Variants in CBS observed in about 807,000 individuals in gnomAD.
The protein encoded by CBS is beta-thionase.
For missense variants in CBS, 27 were observed against 124.8 expected, an observed-to-expected ratio of 0.22 and a Z score of 3.73; for synonymous variants, 23 against 52.2, an observed-to-expected ratio of 0.44 and a Z score of 2.41.
At chr21:43,066,412 CT>C (rs1184978368) in intron 4 of CBS, 35 bp from the exon 5 acceptor site, 1 of 572,594 alleles carries the variant, frequency 1.7e-6, no homozygotes, top group Admixed American at 2.6e-5. Flanking sequence ...AGGGGACCCC[CT>C]GACCACCCCC....
At chr21:43,061,799 C>CTGCTG (rs1982043679) in intron 11 of CBS, 1 of 162,564 alleles carries the variant, frequency 6.2e-6, no homozygotes, top group South Asian at 1.7e-4. Context: ...TACAGGGCCT[C>CTGCTG]TGCTGCCTGT....
intron 4 of CBS, among the ~76,000 whole-genome samples, chr21:43,066,808 G>C (rs1221136309): frequency 1.9e-5 from 2 of 102,776 alleles, no homozygotes; most frequent in African/African-American, 1.4e-4. Context: ...CTTCCCCATC[G>C]GATGGGGACT....
In CBS at chr21:43,066,411, CCT is replaced by C. The variant is rs762388607; in HGVS notation, c.317-36_317-35del. 5.6e-4 allele frequency: 317 copies of C among 570,892 alleles called. 54 individuals are homozygous for C. Among genetic ancestry groups the C allele is most frequent in the Non-Finnish European group, 4.0e-4 (138 of 342,906 alleles). The allele number at this position is 570,892 out of a possible 1,614,324, so 35.4% of individuals were successfully genotyped here. A position where few individuals can be genotyped will look rare whatever the true frequency, so the allele number is the denominator to read the frequency against. On this transcript the variant is annotated intron_variant, in intron 4 of 16. Coordinates refer to ENST00000398165, the MANE Select transcript of CBS (RefSeq NM_000071.3). ...CAGAGATGAATCACAGAGGGGACCC[CCT>C]GACCACCCCCCCATTGATTCCTGCT...
chr21:43,067,197 CAGTT>C (rs1982905348), intron 4 of CBS, among the ~76,000 whole-genome samples: 2 of 74,232 alleles, frequency 2.7e-5, no homozygotes, highest in East Asian at 5.3e-4. Flanking sequence ...GTGAAACCCT[CAGTT>C]AGATCATTCT....
At chr21:43,066,114 C>T (rs1982691744) in intron 5 of CBS, 129 bp downstream of exon 5, 3 of 645,954 alleles carry the variant, frequency 4.6e-6, no homozygotes, top group South Asian at 1.6e-5. Flanking sequence ...GTGCAAGATG[C>T]CAGGGAGCAG....
In CBS at chr21:43,066,994, C is replaced by T. The variant is rs190113692; in HGVS notation, c.317-617G>A. ...CTTAAAAATATTTAGTTTTTAAGAG[C>T]GAGAGACTGGGCTGCATGAAATGTG... On this transcript the variant is annotated intron_variant, in intron 4 of 16. Coordinates refer to ENST00000398165, the MANE Select transcript of CBS (RefSeq NM_000071.3). Among the ~76,000 whole-genome samples the T allele has an allele frequency of 8.6e-5, 12 of 140,094 alleles. 2 individuals are homozygous for T. Among genetic ancestry groups the T allele is most frequent in the Admixed American group, 7.6e-4 (11 of 14,404 alleles). 91.9% of individuals were successfully genotyped at this position (140,094 alleles called of 152,430 possible).
At position 43,068,277 on chromosome 21, in the gene CBS, C is replaced by T. The variant is rs376506103; in HGVS notation, c.316+232G>A. On this transcript the variant is annotated intron_variant, in intron 4 of 16. Coordinates refer to ENST00000398165, the MANE Select transcript of CBS (RefSeq NM_000071.3). ...GGCCTCAGTTCAAAGGTCACCTGTTCGTTCCCTGGTCCATCTGCTGGGGAG... is the reference window on the plus strand; with the variant it reads ...GGCCTCAGTTCAAAGGTCACCTGTTTGTTCCCTGGTCCATCTGCTGGGGAG... 685 of 417,440 alleles carry T rather than the reference C, an allele frequency of 1.6e-3. 73 individuals are homozygous for T. The highest frequency in any genetic ancestry group is 0.016 in the South Asian group (649 of 40,002). 25.9% of individuals were successfully genotyped at this position (417,440 alleles called of 1,614,324 possible). A position where few individuals can be genotyped will look rare whatever the true frequency, so the allele number is the denominator to read the frequency against.
Position 43,068,600 on chromosome 21 carries a change from T to A in CBS, c.225A>T (p.Lys75Asn), listed in dbSNP as rs552179536. The change falls in exon 4 of 17, where the codon AAA becomes AAT. Residue 75 changes from lysine to asparagine, a missense_variant. Lys to Asn is a moderately conservative substitution (Grantham distance 94). Coordinates refer to ENST00000398165, the MANE Select transcript of CBS (RefSeq NM_000071.3). Reference protein sequence around the residue: ...HHHTAPAKSPKILPDILKKIG... With the variant: ...HHHTAPAKSPNILPDILKKIG... ...TTTTCTTCAGAATATCTGGCAAGAT[T>A]TTTGGAGATTTTGCCCTGAAACAGA... 10 of 416,992 alleles carry A rather than the reference T, an allele frequency of 2.4e-5. No homozygotes were observed. Among genetic ancestry groups the A allele is most frequent in the South Asian group, 2.1e-4 (10 of 47,670 alleles). The allele number at this position is 416,992 out of a possible 1,614,324, so 25.8% of individuals were successfully genotyped here.
At chr21:43,066,914 A>G (rs1982861429) in intron 4 of CBS, among the ~76,000 whole-genome samples, 1 of 134,070 alleles carries the variant, frequency 7.5e-6, no homozygotes. Context: ...GCACAAGGCC[A>G]AGGCCTTCAC....
At chr21:43,067,082 G>T (rs1601369659) in intron 4 of CBS, among the ~76,000 whole-genome samples, 1 of 119,772 alleles carries the variant, frequency 8.3e-6, no homozygotes, top group Non-Finnish European at 1.8e-5. Context: ...CACCAGACAG[G>T]TGTTGCCCCT....
rs372010465 is a variant in CBS at position 43,060,475 on chromosome 21, C to T, written c.1111G>A (p.Val371Met). 3 of 41,866 alleles carry T rather than the reference C, an allele frequency of 7.2e-5. No individual in the cohort carries two copies. The highest frequency in any genetic ancestry group is 4.3e-4 in the African/African-American group (1 of 2,336). 2.6% of individuals were successfully genotyped at this position (41,866 alleles called of 1,614,324 possible). ...CGCACTGAGTCGGGCAGAATGACCACGCAGCGCTGGCCCTCCTGCAGCTCC... is the reference window on the plus strand; with the variant it reads ...CGCACTGAGTCGGGCAGAATGACCATGCAGCGCTGGCCCTCCTGCAGCTCC... ...AQELQEGQRC[V>M]VILPDSVRNY... The change falls in exon 12 of 17, where the codon GTG becomes ATG. Residue 371 changes from valine (V) to methionine (M), a missense_variant. Coordinates refer to ENST00000398165, the MANE Select transcript of CBS (RefSeq NM_000071.3).
rs940694632 is a variant in CBS at position 43,066,162 on chromosome 21, C to A, written c.451+81G>T. The A allele has an allele frequency of 8.2e-6, 10 of 1,222,654 alleles. 1 individual carries two copies. The Admixed American group carries it at 1.8e-4, about 21-fold the overall frequency. 75.7% of individuals were successfully genotyped at this position (1,222,654 alleles called of 1,614,324 possible). ...GCCAGCACATGCGGCTGCAGCTCAGCCATCCCCCCCGGGTCCCGGCAGGCT... is the reference window on the plus strand; with the variant it reads ...GCCAGCACATGCGGCTGCAGCTCAGACATCCCCCCCGGGTCCCGGCAGGCT... On this transcript the variant is annotated intron_variant, in intron 5 of 16. Transcript: ENST00000398165.
chr21:43,063,960 GC>G lies in CBS; in HGVS notation c.767del (p.Gly256AlafsTer13). 4.9e-6 allele frequency: 1 copy of G among 205,740 alleles called. No homozygotes were observed. The highest frequency in any genetic ancestry group is 9.5e-6 in the Non-Finnish European group (1 of 105,526). 12.7% of individuals were successfully genotyped at this position (205,740 alleles called of 1,614,324 possible). A position where few individuals can be genotyped will look rare whatever the true frequency, so the allele number is the denominator to read the frequency against. ...GKLDMLVASV[G>X]TGGTITGIAR... Reference sequence around the variant, plus strand: ...CAATGCCCGTGATGGTGCCGCCCGTGCCCACTGAAGCCACCAGCATGTCCAG... The same window carrying G: ...CAATGCCCGTGATGGTGCCGCCCGTGCCACTGAAGCCACCAGCATGTCCAG... On this transcript the variant is annotated frameshift_variant, in exon 9 of 17. Transcript: ENST00000398165. LOFTEE classifies it high-confidence loss of function.
intron 4 of CBS, 41 bp from the exon 5 acceptor site, chr21:43,066,418 AC>A (rs551120751): frequency 3.0e-5 from 16 of 535,850 alleles, no homozygotes; most frequent in African/African-American, 6.6e-5. Context: ...CCCCCTGACC[AC>A]CCCCCCATTG....
chr21:43,066,676 C>T (rs1212768667), intron 4 of CBS, among the ~76,000 whole-genome samples: 1 of 75,360 alleles, frequency 1.3e-5, no homozygotes. Context: ...CCCCGTCCCC[C>T]CACCCACGAG....
At position 43,066,188 on chromosome 21, in the gene CBS, C is replaced by T. The variant is rs530863933; in HGVS notation, c.451+55G>A. The T allele has an allele frequency of 1.6e-5, 21 of 1,330,752 alleles. 3 individuals carry two copies. Among genetic ancestry groups the T allele is most frequent in the East Asian group, 6.8e-5 (3 of 43,862 alleles). 82.4% of individuals were successfully genotyped at this position (1,330,752 alleles called of 1,614,324 possible). A position where few individuals can be genotyped will look rare whatever the true frequency, so the allele number is the denominator to read the frequency against. On this transcript the variant is annotated intron_variant, in intron 5 of 16. Coordinates refer to ENST00000398165, the MANE Select transcript of CBS (RefSeq NM_000071.3). Reference sequence around the variant, plus strand: ...CATCCCCCCCGGGTCCCGGCAGGCTCGGCATGGGTAGGGGACAGCCAGCCC... The same window carrying T: ...CATCCCCCCCGGGTCCCGGCAGGCTTGGCATGGGTAGGGGACAGCCAGCCC...
Position 43,068,332 on chromosome 21 carries a change from C to T in CBS, c.316+177G>A, listed in dbSNP as rs187430972. 50 of 356,806 alleles carry T rather than the reference C, an allele frequency of 1.4e-4. No homozygotes were observed. The East Asian group carries it at 1.9e-3, about 14-fold the overall frequency. 22.1% of individuals were successfully genotyped at this position (356,806 alleles called of 1,614,324 possible). A position where few individuals can be genotyped will look rare whatever the true frequency, so the allele number is the denominator to read the frequency against. On this transcript the variant is annotated intron_variant, in intron 4 of 16. Transcript: ENST00000398165. ...TTTGGTCACCCTCTGACACAATGCCCTGTTGTGTGTTTTTCCCAAACTTAA... is the reference window on the plus strand; with the variant it reads ...TTTGGTCACCCTCTGACACAATGCCTTGTTGTGTGTTTTTCCCAAACTTAA...
chr21:43,067,713 C>A lies in CBS; in HGVS notation c.316+796G>T. 14 of 316,306 alleles carry A rather than the reference C, an allele frequency of 4.4e-5. 3 individuals are homozygous for A. Among genetic ancestry groups the A allele is most frequent in the South Asian group, 2.8e-4 (14 of 49,970 alleles). The allele number at this position is 316,306 out of a possible 1,614,324, so 19.6% of individuals were successfully genotyped here. A position where few individuals can be genotyped will look rare whatever the true frequency, so the allele number is the denominator to read the frequency against. ...CCCTCTCCTTCCCACTCGAACTCCA[C>A]CCCCTCCATCTGGCCCTGTCGCGGG... On this transcript the variant is annotated intron_variant, in intron 4 of 16. Coordinates refer to ENST00000398165, the MANE Select transcript of CBS (RefSeq NM_000071.3).
chr21:43,067,747 C>A lies in CBS; in HGVS notation c.316+762G>T. 5.3e-6 allele frequency: 2 copies of A among 380,398 alleles called. 1 individual carries two copies. Among genetic ancestry groups the A allele is most frequent in the Non-Finnish European group, 1.1e-5 (2 of 188,634 alleles). The allele number at this position is 380,398 out of a possible 1,614,324, so 23.6% of individuals were successfully genotyped here. A position where few individuals can be genotyped will look rare whatever the true frequency, so the allele number is the denominator to read the frequency against. ...TCTGGCCCTGTCGCGGGGTTCTCCG[C>A]GGCACCCTTCCTGCCTCCCTCCGAA... On this transcript the variant is annotated intron_variant, in intron 4 of 16. Coordinates refer to ENST00000398165, the MANE Select transcript of CBS (RefSeq NM_000071.3).
Sources: gnomAD v4.1 joint callset for allele counts (sites outside exome capture counted in the v4.1 genomes callset) on GRCh38, gnomAD v4.1.1 for gene constraint, MANE v1.5 for transcripts, NCBI Gene and HGNC (gene_info 2026-07-23, HGNC 2026-07-21) for gene names.